SORCS1: variants seen among roughly 807,000 people sequenced by gnomAD.
The protein encoded by SORCS1 is sortilin related VPS10 domain containing receptor 1, also known as VPS10 domain-containing receptor SorCS1.
SORCS1 carries 60 observed loss-of-function variants against 146.1 expected under a neutral mutation model. That is an observed-to-expected ratio of 0.41 (90% CI 0.33 to 0.51). The LOEUF (loss-of-function observed/expected upper bound fraction) is 0.51, where lower values mean the gene tolerates loss of function less well. Ranked by LOEUF, SORCS1 falls within the 20% of genes least tolerant of loss-of-function variation. The pLI, the probability that SORCS1 is intolerant of heterozygous loss-of-function variation, is 0.21. For missense variants in SORCS1, 1,352 were observed against 1,487.6 expected (o/e 0.91, Z 1.50); for synonymous variants, 637 against 584.0 (o/e 1.09, Z -1.31).
chr10:106,874,065 T>C (rs527362874), intron 2 of SORCS1, among the ~76,000 whole-genome samples: 4 of 152,340 alleles, frequency 2.6e-5, no homozygotes, highest in Middle Eastern at 3.4e-3. Flanking sequence ...TTAGTCAATA[T>C]AGAGTACTTT....
intron 2 of SORCS1, among the ~76,000 whole-genome samples, chr10:106,948,772 AC>A (rs1168389916): frequency 3.3e-5 from 5 of 152,112 alleles, no homozygotes; most frequent in Admixed American, 3.3e-4. Flanking sequence ...ATCCTGGCTA[AC>A]ATGGTGAAAC....
Position 106,658,165 on chromosome 10 carries a change from G to A in SORCS1, c.2304-5612C>T, listed in dbSNP as rs941596808. 3.9e-5 allele frequency among the ~76,000 whole-genome samples: 6 copies of A among 151,970 alleles called. No homozygotes were observed. In the East Asian group the frequency reaches 5.8e-4, roughly 15 times the overall value. ...GTTCAGGTTTAAAGTAAAGATCCACGACCTGACCTCAATGCATTTTTCTAG... is the reference window on the plus strand; with the variant it reads ...GTTCAGGTTTAAAGTAAAGATCCACAACCTGACCTCAATGCATTTTTCTAG... On this transcript the variant is annotated intron_variant, in intron 17 of 25. Transcript: ENST00000263054.
rs1232175648 is a variant in SORCS1 at position 107,003,540 on chromosome 10, G to A, written c.559-46960C>T. On this transcript the variant is annotated intron_variant, in intron 1 of 25. Transcript: ENST00000263054. Reference sequence around the variant, plus strand: ...CAAGAATATTAATCTTTTAAATAAGGGCCTAAGGCAGAATATTGGATCTAA... The same window carrying A: ...CAAGAATATTAATCTTTTAAATAAGAGCCTAAGGCAGAATATTGGATCTAA... Among the ~76,000 whole-genome samples the A allele has an allele frequency of 4.0e-5, 6 of 150,722 alleles. No individual in the cohort carries two copies. In the East Asian group the frequency reaches 7.9e-4, roughly 20 times the overall value.
Position 106,679,844 on chromosome 10 carries a change from C to T in SORCS1, c.1561-110G>A, listed in dbSNP as rs76814889. 51 of 774,972 alleles carry T rather than the reference C, an allele frequency of 6.6e-5. 1 individual carries two copies. In the East Asian group the frequency reaches 1.4e-3, roughly 22 times the overall value. 48.0% of individuals were successfully genotyped at this position (774,972 alleles called of 1,614,324 possible). ...ACCAACCATCCCATTTACCATACAT[C>T]CATGCACCACTCCAACCACCCATTG... On this transcript the variant is annotated intron_variant, in intron 10 of 25. Coordinates refer to ENST00000263054, the MANE Select transcript of SORCS1 (RefSeq NM_052918.5).
intron 1 of SORCS1, among the ~76,000 whole-genome samples, chr10:107,041,611 T>C (rs2133993308): frequency 6.6e-6 from 1 of 152,214 alleles, no homozygotes. Flanking sequence ...TTTTTTTCCT[T>C]CCCCTACACC....
intron 2 of SORCS1, among the ~76,000 whole-genome samples, chr10:106,895,440 G>A (rs966892551): frequency 1.3e-5 from 2 of 152,036 alleles, no homozygotes; most frequent in African/African-American, 4.8e-5. Flanking sequence ...GTAAAACCTG[G>A]TCTCTACTAA....
intron 4 of SORCS1, among the ~76,000 whole-genome samples, chr10:106,763,907 T>C (rs1395364231): frequency 1.3e-5 from 2 of 152,194 alleles, no homozygotes; most frequent in Non-Finnish European, 2.9e-5. Context: ...AGCTTTTAGA[T>C]GTTGGAAATC....
At chr10:106,957,658 T>C (rs1474223469) in intron 1 of SORCS1, among the ~76,000 whole-genome samples, 1 of 152,138 alleles carries the variant, frequency 6.6e-6, no homozygotes, top group Admixed American at 6.5e-5. Flanking sequence ...AATATATTTC[T>C]TATGGAACCC....
At chr10:107,157,836 C>T (rs534110096) in intron 1 of SORCS1, among the ~76,000 whole-genome samples, 11 of 152,304 alleles carry the variant, frequency 7.2e-5, no homozygotes, top group East Asian at 3.9e-4. Context: ...GGCCTCACCT[C>T]GCAATGAACA....
chr10:106,793,319 G>A (rs1308872606), intron 3 of SORCS1, among the ~76,000 whole-genome samples: 1 of 152,216 alleles, frequency 6.6e-6, no homozygotes, highest in Non-Finnish European at 1.5e-5. Context: ...GCAGAGGAAT[G>A]CGGGCATGCA....
At chr10:106,726,757 C>T (rs1856219499) in intron 6 of SORCS1, among the ~76,000 whole-genome samples, 1 of 152,150 alleles carries the variant, frequency 6.6e-6, no homozygotes. Context: ...GTTTCACAGA[C>T]CCGCAGCATG....
intron 3 of SORCS1, among the ~76,000 whole-genome samples, chr10:106,821,656 T>G (rs1948030353): frequency 6.6e-6 from 1 of 152,220 alleles, no homozygotes; most frequent in Non-Finnish European, 1.5e-5. Flanking sequence ...GCATGGTGGC[T>G]CATGCCTGTA....
chr10:106,670,010 C>G (rs574127009), intron 16 of SORCS1, among the ~76,000 whole-genome samples: 5 of 152,328 alleles, frequency 3.3e-5, no homozygotes, highest in African/African-American at 1.2e-4. Flanking sequence ...GGTTGCTATA[C>G]AGCTAGAAAT....
At chr10:106,691,232 C>T (rs1018510896) in intron 9 of SORCS1, among the ~76,000 whole-genome samples, 9 of 152,280 alleles carry the variant, frequency 5.9e-5, no homozygotes, top group South Asian at 2.1e-4. Flanking sequence ...ATATTTCCTA[C>T]GGAAGCCATG....
chr10:106,756,532 A>G (rs904625660), intron 5 of SORCS1, among the ~76,000 whole-genome samples: 3 of 152,204 alleles, frequency 2.0e-5, no homozygotes, highest in Non-Finnish European at 4.4e-5. Flanking sequence ...ACAGGAAAGA[A>G]CAAGACCACT....
At chr10:106,743,177 G>A (rs1358322327) in intron 5 of SORCS1, among the ~76,000 whole-genome samples, 1 of 152,124 alleles carries the variant, frequency 6.6e-6, no homozygotes, top group African/African-American at 2.4e-5. Context: ...GAGGGAAAGG[G>A]AAAGAGAGGG....
intron 5 of SORCS1, among the ~76,000 whole-genome samples, chr10:106,742,695 G>A (rs1417275133): frequency 1.3e-5 from 2 of 152,036 alleles, no homozygotes; most frequent in Non-Finnish European, 2.9e-5. Context: ...CATACAATAC[G>A]TTTATTAGTT....
rs530540287 is a variant in SORCS1, at chr10:106,779,903, T to C, written c.727-3211A>G. ...ACCTTCAAATTAATTAAATTATGAT[T>C]GTTGTAATGACTGAAACATAGTATG... On this transcript the variant is annotated intron_variant, in intron 3 of 25. Coordinates refer to ENST00000263054, the MANE Select transcript of SORCS1 (RefSeq NM_052918.5). Among the ~76,000 whole-genome samples, 16 of 152,336 alleles carry C rather than the reference T, an allele frequency of 1.1e-4. 1 individual carries two copies. The highest frequency in any genetic ancestry group is 5.9e-4 in the Admixed American group (9 of 15,302).
chr10:106,929,555 G>A (rs1253158852), intron 2 of SORCS1, among the ~76,000 whole-genome samples: 1 of 152,114 alleles, frequency 6.6e-6, no homozygotes, highest in African/African-American at 2.4e-5. Context: ...AGATTAGAGT[G>A]CTAATCAGCT....
Sources: allele counts gnomAD v4.1 joint callset (sites outside exome capture counted in the v4.1 genomes callset), GRCh38; gene constraint gnomAD v4.1.1; transcripts MANE v1.5; gene names NCBI Gene and HGNC (gene_info 2026-07-23, HGNC 2026-07-21).